Variants in PTPRD observed in about 807,000 individuals in gnomAD.
PTPRD encodes the protein receptor-type tyrosine-protein phosphatase delta.
A neutral mutation model predicts 214.5 loss-of-function variants in PTPRD; 34 were observed. The ratio of observed to expected loss-of-function variants is 0.16; its 90% CI spans 0.12 to 0.21. The LOEUF is 0.21. Among genes scored for constraint, PTPRD ranks in the 10% least tolerant of loss-of-function variants. The pLI is 1.00. For missense variants in PTPRD, 2,545 were observed against 2,398.7 expected (o/e 1.06, Z -1.27); for synonymous variants, 1,128 against 845.7 (o/e 1.33, Z -5.79).
chr9:9,261,655 TG>T (rs1694090589), intron 9 of PTPRD, among the ~76,000 whole-genome samples: 1 of 151,216 alleles, frequency 6.6e-6, no homozygotes, highest in Non-Finnish European at 1.5e-5. Flanking sequence ...CACGTGTGTG[TG>T]TGTGTGTGTG....
At chr9:9,394,439 G>T (rs916998471) in intron 9 of PTPRD, among the ~76,000 whole-genome samples, 22 of 152,232 alleles carry the variant, frequency 1.4e-4, no homozygotes, top group African/African-American at 5.1e-4. Flanking sequence ...CAACTGATTG[G>T]AAGTTTACAG....
At chr9:10,207,443 A>G (rs1320469151) in intron 3 of PTPRD, among the ~76,000 whole-genome samples, 2 of 151,848 alleles carry the variant, frequency 1.3e-5, no homozygotes, top group Non-Finnish European at 2.9e-5. Context: ...GGCATCATAA[A>G]AATAACTAGA....
At chr9:8,374,109 C>A (rs984966155) in intron 39 of PTPRD, among the ~76,000 whole-genome samples, 2 of 132,766 alleles carry the variant, frequency 1.5e-5, no homozygotes, top group African/African-American at 6.3e-5. Flanking sequence ...TAATTACACA[C>A]GTGTCTGTGT....
chr9:9,288,634 G>A (rs184238330), intron 9 of PTPRD, among the ~76,000 whole-genome samples: 30 of 151,986 alleles, frequency 2.0e-4, no homozygotes, highest in Admixed American at 5.9e-4. Flanking sequence ...TTGTCCAACA[G>A]TAAGATGTTA....
chr9:9,944,669 T>C (rs781169878), intron 4 of PTPRD, among the ~76,000 whole-genome samples: 2 of 151,688 alleles, frequency 1.3e-5, no homozygotes, highest in Non-Finnish European at 2.9e-5. Flanking sequence ...AGAGCATACA[T>C]AGATTGCTTA....
chr9:9,963,923 T>G (rs1259156384), intron 4 of PTPRD, among the ~76,000 whole-genome samples: 2 of 152,148 alleles, frequency 1.3e-5, no homozygotes, highest in African/African-American at 4.8e-5. Context: ...TTCTACTTGC[T>G]CCATGGAAAA....
chr9:8,642,231 C>G (rs1287859335), intron 12 of PTPRD, among the ~76,000 whole-genome samples: 1 of 152,158 alleles, frequency 6.6e-6, no homozygotes, highest in Non-Finnish European at 1.5e-5. Flanking sequence ...TGCCATTTAT[C>G]TAATTTAATT....
At chr9:9,112,090 A>G (rs1362012981) in intron 10 of PTPRD, among the ~76,000 whole-genome samples, 1 of 152,152 alleles carries the variant, frequency 6.6e-6, no homozygotes, top group Non-Finnish European at 1.5e-5. Context: ...CAGGTAAAAC[A>G]CATATTCATT....
rs749067548 is a variant in PTPRD, at chr9:10,523,620, T to TAGAGAGAGAGAGAGAGAGAG, written c.-600+88777_-600+88778insCTCTCTCTCTCTCTCTCTCT. Among the ~76,000 whole-genome samples, 191 of 128,614 alleles carry TAGAGAGAGAGAGAGAGAGAG rather than the reference T, an allele frequency of 1.5e-3. 3 individuals are homozygous for TAGAGAGAGAGAGAGAGAGAG. The highest frequency in any genetic ancestry group is 2.1e-3 in the Non-Finnish European group (128 of 61,060). The allele number at this position is 128,614 out of a possible 152,430, so 84.4% of individuals were successfully genotyped here. A position where few individuals can be genotyped will look rare whatever the true frequency, so the allele number is the denominator to read the frequency against. ...TTATCTGTATATATATATATATATA[T>TAGAGAGAGAGAGAGAGAGAG]ATAGACAGAAAGAAAGGGAGAGAGA... is the stretch of plus-strand genomic sequence containing the variant. On this transcript the variant is annotated intron_variant, in intron 2 of 45. Coordinates refer to ENST00000381196, the MANE Select transcript of PTPRD (RefSeq NM_002839.4).
At chr9:10,172,658 C>A (rs961698382) in intron 3 of PTPRD, among the ~76,000 whole-genome samples, 3 of 152,106 alleles carry the variant, frequency 2.0e-5, no homozygotes, top group Non-Finnish European at 4.4e-5. Context: ...ATTAGGAGAA[C>A]AGGAGCACAA....
intron 7 of PTPRD, among the ~76,000 whole-genome samples, chr9:9,575,618 G>T (rs1037581034): frequency 6.7e-6 from 1 of 150,312 alleles, no homozygotes; most frequent in Admixed American, 6.6e-5. Context: ...TACTCAGGAG[G>T]CTGAGGCAGG....
chr9:9,134,178 T>C (rs2099847324), intron 10 of PTPRD, among the ~76,000 whole-genome samples: 2 of 138,166 alleles, frequency 1.4e-5, no homozygotes, highest in Non-Finnish European at 3.0e-5. Flanking sequence ...GTTCACGCCA[T>C]TCTCCTGCCT....
intron 11 of PTPRD, among the ~76,000 whole-genome samples, chr9:9,011,979 A>G (rs1157617): frequency 0.25 from 38,106 of 152,120 alleles, 5,407 homozygotes; most frequent in Non-Finnish European, 0.33. Flanking sequence ...TCTCTTGATT[A>G]TGAATCATTA....
chr9:10,457,842 C>T (rs1175314316), intron 2 of PTPRD, among the ~76,000 whole-genome samples: 4 of 151,930 alleles, frequency 2.6e-5, no homozygotes, highest in African/African-American at 9.7e-5. Flanking sequence ...TTGACATACC[C>T]ATAGCCAGAC....
At chr9:10,574,784 T>TAC (rs1172111524) in intron 2 of PTPRD, among the ~76,000 whole-genome samples, 1 of 136,734 alleles carries the variant, frequency 7.3e-6, no homozygotes, top group Non-Finnish European at 1.6e-5. Flanking sequence ...TGTATATATA[T>TAC]ACACACACAT....
At chr9:9,980,204 C>T (rs986639267) in intron 4 of PTPRD, among the ~76,000 whole-genome samples, 3 of 151,820 alleles carry the variant, frequency 2.0e-5, no homozygotes, top group African/African-American at 7.3e-5. Context: ...TAACAGATTA[C>T]CGTAGTAGAA....
At chr9:9,861,198 C>G (rs892002554) in intron 5 of PTPRD, among the ~76,000 whole-genome samples, 3 of 152,132 alleles carry the variant, frequency 2.0e-5, no homozygotes, top group African/African-American at 7.2e-5. Flanking sequence ...AGTAAATATT[C>G]TATTACCCCA....
rs115581682 is a variant in PTPRD, at chr9:8,926,242, A to G, written c.-104+92455T>C. Among the ~76,000 whole-genome samples the G allele has an allele frequency of 5.9e-3, 894 of 152,174 alleles. 11 individuals are homozygous for G. Among genetic ancestry groups the G allele is most frequent in the African/African-American group, 0.02 (842 of 41,508 alleles). On this transcript the variant is annotated intron_variant, in intron 11 of 45. Coordinates refer to ENST00000381196, the MANE Select transcript of PTPRD (RefSeq NM_002839.4). The stretch of plus-strand genomic sequence containing the variant: ...AGCTTCTACTTATCCTTCAAAACTT[A>G]TTTCAGATGTTACCACCTCTGGGAA...
chr9:8,907,533 A>ATATATATATAT (rs1555505760), intron 11 of PTPRD, among the ~76,000 whole-genome samples: 2 of 118,232 alleles, frequency 1.7e-5, no homozygotes, highest in African/African-American at 6.6e-5. Flanking sequence ...AAAAAAAAAA[A>ATATATATATAT]ATATATATAT....
Sources: allele counts gnomAD v4.1 joint callset (sites outside exome capture counted in the v4.1 genomes callset), GRCh38; gene constraint gnomAD v4.1.1; transcripts MANE v1.5; gene names NCBI Gene and HGNC (gene_info 2026-07-23, HGNC 2026-07-21).